The following DOCK10 variants were observed in gnomAD, a reference collection of about 807,000 sequenced individuals.
DOCK10 encodes dedicator of cytokinesis 10.
Under a neutral mutation model 280.1 loss-of-function variants are expected in DOCK10, and 145 were observed. That is an observed-to-expected ratio of 0.52 (90% CI 0.45 to 0.59). DOCK10 has a LOEUF of 0.59. DOCK10 is among the 20% of genes least tolerant of loss of function. The pLI is 0.00. For missense variants in DOCK10, 2,368 were observed against 2,651.7 expected (o/e 0.89, Z 2.35); for synonymous variants, 915 against 942.2 (o/e 0.97, Z 0.53).
In DOCK10 at chr2:224,920,813, T is replaced by C. The variant is rs574810269; in HGVS notation, c.244-4029A>G. Among the ~76,000 whole-genome samples the C allele has an allele frequency of 1.0e-3, 157 of 152,034 alleles. 1 individual carries two copies. The highest frequency in any genetic ancestry group is 3.3e-3 in the African/African-American group (136 of 41,474). ...AAGTCTGATGGAGAGTAGAGTAACA[T>C]GGCCCAGAATTAAGCTTATAATTAA... On this transcript the variant is annotated intron_variant, in intron 2 of 55. Coordinates refer to ENST00000258390, the MANE Select transcript of DOCK10 (RefSeq NM_014689.3).
chr2:224,800,023 C>G (rs1373494307), intron 41 of DOCK10, 128 bp downstream of exon 41: 1 of 537,984 alleles, frequency 1.9e-6, no homozygotes, highest in Non-Finnish European at 3.3e-6. Context: ...TCCACTCACA[C>G]TTAGGTTGAT....
At chr2:224,875,375 T>C (rs988284220) in intron 8 of DOCK10, among the ~76,000 whole-genome samples, 32 of 152,118 alleles carry the variant, frequency 2.1e-4, no homozygotes, top group Non-Finnish European at 3.7e-4. Context: ...TGTCTGAAAA[T>C]AGTTTTGTTT....
chr2:224,934,303 G>A (rs568152132), intron 1 of DOCK10, among the ~76,000 whole-genome samples: 87 of 152,236 alleles, frequency 5.7e-4, no homozygotes, highest in African/African-American at 2.0e-3. Flanking sequence ...ATTTTGACAT[G>A]GAACTGCAAA....
intron 48 of DOCK10, among the ~76,000 whole-genome samples, chr2:224,787,897 C>T (rs1691845624): frequency 6.6e-6 from 1 of 152,166 alleles, no homozygotes; most frequent in Non-Finnish European, 1.5e-5. Flanking sequence ...TGCTCTGTCA[C>T]TGACTTTGCA....
intron 42 of DOCK10, 119 bp from the exon 43 acceptor site, chr2:224,797,265 A>AT (rs11301276): frequency 0.017 from 9,326 of 541,240 alleles, no homozygotes; most frequent in Middle Eastern, 0.021. Flanking sequence ...AACTTGGTCT[A>AT]TTTTTTTTTT....
Position 224,833,492 on chromosome 2 carries a change from T to C in DOCK10, c.2964+658A>G, listed in dbSNP as rs1408972725. On this transcript the variant is annotated intron_variant, in intron 26 of 55. Coordinates refer to ENST00000258390, the MANE Select transcript of DOCK10 (RefSeq NM_014689.3). ...GCACCCTCTTCGCCTTCAAATTTTTTTTTTTTTTGCTCAAGAATTACCTCC... is the reference window on the plus strand; with the variant it reads ...GCACCCTCTTCGCCTTCAAATTTTTCTTTTTTTTGCTCAAGAATTACCTCC... Among the ~76,000 whole-genome samples the C allele has an allele frequency of 3.4e-3, 514 of 152,070 alleles. 4 individuals are homozygous for C. Among genetic ancestry groups the C allele is most frequent in the African/African-American group, 0.011 (470 of 41,506 alleles).
chr2:224,824,389 G>A (rs1412653165), intron 27 of DOCK10, among the ~76,000 whole-genome samples: 1 of 146,428 alleles, frequency 6.8e-6, no homozygotes, highest in African/African-American at 2.6e-5. Flanking sequence ...CATATGAGGG[G>A]AACATTTGAG....
rs1011077484 is a variant in DOCK10, at chr2:224,874,612, A to G, written c.1017+54T>C. The G allele has an allele frequency of 2.6e-6, 4 of 1,510,706 alleles. No individual in the cohort carries two copies. In the African/African-American group the frequency reaches 4.1e-5, roughly 16 times the overall value. 93.6% of individuals were successfully genotyped at this position (1,510,706 alleles called of 1,614,324 possible). ...CATTTACGTCTTTTCCATGAAAGCA[A>G]TAACTAACAAATAATTCAAATTGGT... On this transcript the variant is annotated intron_variant, in intron 9 of 55. Coordinates refer to ENST00000258390, the MANE Select transcript of DOCK10 (RefSeq NM_014689.3).
chr2:224,823,003 T>A (rs1442552650), intron 28 of DOCK10, among the ~76,000 whole-genome samples: 6 of 151,814 alleles, frequency 4.0e-5, no homozygotes, highest in Admixed American at 6.6e-5. Flanking sequence ...TGTCTTTTTT[T>A]TTTTTGAGAC....
chr2:225,010,648 A>G (rs1689407654), intron 1 of DOCK10: 1 of 154,316 alleles, frequency 6.5e-6, no homozygotes, highest in African/African-American at 2.4e-5. Flanking sequence ...TTTTGATTCA[A>G]ATAAGACAGT....
At chr2:224,953,401 C>G (rs571709448) in intron 1 of DOCK10, among the ~76,000 whole-genome samples, 1 of 152,336 alleles carries the variant, frequency 6.6e-6, no homozygotes, top group African/African-American at 2.4e-5. Context: ...CATGGTGCAT[C>G]TGCAGGCTCA....
At chr2:224,894,815 C>T (rs1470019826) in intron 4 of DOCK10, among the ~76,000 whole-genome samples, 1 of 152,128 alleles carries the variant, frequency 6.6e-6, no homozygotes, top group African/African-American at 2.4e-5. Context: ...CTGTCTTTTT[C>T]TTCGATTGCC....
In DOCK10 at chr2:224,765,510, T is replaced by C. The variant is rs1478358060; in HGVS notation, c.*211A>G. On this transcript the variant is annotated 3_prime_UTR_variant, in exon 56 of 56. Transcript: ENST00000258390. ...ATTCACTGGAATTTCATGGCAAATA[T>C]TCAACCTGGCTTGATCAACACTGCT... The C allele has an allele frequency of 2.1e-6, 1 of 465,622 alleles. No homozygotes were observed. 28.8% of individuals were successfully genotyped at this position (465,622 alleles called of 1,614,324 possible).
chr2:224,874,271 T>C lies in DOCK10; in HGVS notation c.1096A>G (p.Ile366Val). The C allele has an allele frequency of 6.2e-7, 1 of 1,612,998 alleles. No individual in the cohort carries two copies. Among genetic ancestry groups the C allele is most frequent in the Non-Finnish European group, 8.5e-7 (1 of 1,179,416 alleles). Reference sequence around the variant, plus strand: ...TAGAAAAAATTTTGACTTACATCTATGTCTGGATCTAGAGAGAACAGATTT... The same window carrying C: ...TAGAAAAAATTTTGACTTACATCTACGTCTGGATCTAGAGAGAACAGATTT... ...RLNLFSLDPD[I>V]DTLKLQKKDL... The change falls in exon 10 of 56, where the codon ATA becomes GTA. Residue 366 changes from isoleucine (I) to valine (V), a missense_variant. By Grantham distance (29) the Ile-to-Val change is conservative. Coordinates refer to ENST00000258390, the MANE Select transcript of DOCK10 (RefSeq NM_014689.3).
intron 1 of DOCK10, among the ~76,000 whole-genome samples, chr2:225,019,413 C>T (rs886123154): frequency 1.5e-4 from 23 of 150,758 alleles, no homozygotes; most frequent in African/African-American, 5.6e-4. Flanking sequence ...TGAGGATTGG[C>T]AACTTCAAAG....
intron 18 of DOCK10, among the ~76,000 whole-genome samples, chr2:224,849,875 G>T (rs956687965): frequency 6.6e-6 from 1 of 152,098 alleles, no homozygotes; most frequent in African/African-American, 2.4e-5. Context: ...AATAATACAG[G>T]GTGGCCACAG....
chr2:224,765,621 C>T lies in DOCK10; in HGVS notation c.*100G>A. 1 of 816,250 alleles carries T rather than the reference C, an allele frequency of 1.2e-6. No individual in the cohort carries two copies. 50.6% of individuals were successfully genotyped at this position (816,250 alleles called of 1,614,324 possible). ...GCGAGGTAAACAAAAATATTAACAC[C>T]ATGAAAACTTCAAATAAATTAAACC... On this transcript the variant is annotated 3_prime_UTR_variant, in exon 56 of 56. Transcript: ENST00000258390.
chr2:225,038,803 T>G (rs768470960), intron 1 of DOCK10, among the ~76,000 whole-genome samples: 60 of 152,246 alleles, frequency 3.9e-4, no homozygotes, highest in Non-Finnish European at 2.5e-4. Context: ...GATTATTTGA[T>G]CTCTAGTAAA....
Position 224,765,696 on chromosome 2 carries a change from A to G in DOCK10, c.*25T>C. On this transcript the variant is annotated 3_prime_UTR_variant, in exon 56 of 56. Transcript: ENST00000258390. ...CTGCAAATTCAGAAAGTTCTCTTAG[A>G]GGTGGGTCTGATGCTGCAGAGCCCT... 1.4e-6 allele frequency: 2 copies of G among 1,477,828 alleles called. No individual in the cohort carries two copies. The highest frequency in any genetic ancestry group is 1.9e-6 in the Non-Finnish European group (2 of 1,062,732). The allele number at this position is 1,477,828 out of a possible 1,614,324, so 91.5% of individuals were successfully genotyped here.
Sources: gnomAD v4.1 joint callset for allele counts (sites outside exome capture counted in the v4.1 genomes callset) on GRCh38, gnomAD v4.1.1 for gene constraint, MANE v1.5 for transcripts, NCBI Gene and HGNC (gene_info 2026-07-23, HGNC 2026-07-21) for gene names.